Variants in PLCG2 observed in about 807,000 individuals in gnomAD.
PLCG2 encodes 1-phosphatidylinositol 4,5-bisphosphate phosphodiesterase gamma-2.
In PLCG2, 69 loss-of-function variants were observed where a neutral mutation model predicts 175.6. That is an observed-to-expected ratio of 0.39 (90% confidence interval 0.32 to 0.48). The LOEUF is 0.48. Ranked by LOEUF, PLCG2 falls within the 20% of genes least tolerant of loss-of-function variation. The pLI, the probability that PLCG2 is intolerant of heterozygous loss-of-function variation, is 0.91. For missense variants in PLCG2, 1,798 were observed against 1,650.9 expected (o/e 1.09, Z -1.54); for synonymous variants, 827 against 624.0 (o/e 1.33, Z -4.85).
At chr16:81,903,417 G>C (rs1209353119) in intron 14 of PLCG2, among the ~76,000 whole-genome samples, 2 of 152,250 alleles carry the variant, frequency 1.3e-5, no homozygotes, top group Non-Finnish European at 2.9e-5. Flanking sequence ...AAGAGCATCA[G>C]TGCACGGGGA....
intron 31 of PLCG2, among the ~76,000 whole-genome samples, chr16:81,955,281 G>A (rs762750314): frequency 3.3e-5 from 5 of 152,192 alleles, no homozygotes; most frequent in South Asian, 2.1e-4. Context: ...GTCTGAGTCC[G>A]TGTTTTTCTA....
chr16:81,860,857 G>C (rs552646904), intron 5 of PLCG2, among the ~76,000 whole-genome samples: 29 of 152,124 alleles, frequency 1.9e-4, no homozygotes, highest in African/African-American at 6.3e-4. Flanking sequence ...TGTAGTCCCA[G>C]CTACTCAGCC....
intron 2 of PLCG2, among the ~76,000 whole-genome samples, chr16:81,797,744 C>G (rs1911535679): frequency 1.3e-5 from 2 of 152,204 alleles, no homozygotes; most frequent in African/African-American, 2.4e-5. Context: ...TAACCATACA[C>G]CGTGGTTCCA....
At chr16:81,891,642 G>T (rs1370544902) in intron 11 of PLCG2, 52 bp downstream of exon 11, 1 of 1,043,742 alleles carries the variant, frequency 9.6e-7, no homozygotes, top group Non-Finnish European at 1.5e-6. Context: ...GCACGTGAGG[G>T]TTGAGGCAGG....
intron 13 of PLCG2, 82 bp from the exon 14 acceptor site, chr16:81,900,530 G>A (rs1909103615): frequency 1.5e-6 from 2 of 1,301,986 alleles, no homozygotes; most frequent in Non-Finnish European, 2.1e-6. Flanking sequence ...GTCGTCCCAG[G>A]GAGCTGCCCT....
intron 26 of PLCG2, among the ~76,000 whole-genome samples, chr16:81,935,180 G>T (rs1910656277): frequency 2.6e-5 from 4 of 152,298 alleles, no homozygotes; most frequent in Non-Finnish European, 4.4e-5. Context: ...CAGCAGGGCT[G>T]TGCTCCCTCC....
chr16:81,758,976 C>T (rs1231592806), intron 2 of PLCG2, among the ~76,000 whole-genome samples: 1 of 152,228 alleles, frequency 6.6e-6, no homozygotes, highest in Non-Finnish European at 1.5e-5. Flanking sequence ...CCGCACCCGG[C>T]TATCGTCCAT....
Position 81,940,808 on chromosome 16 carries a change from C to T in PLCG2, c.3481+749C>T, listed in dbSNP as rs148770457. ...AAAAAAAACTGGCTCTCCTTAGCTT[C>T]TATATAGTTTCTCTAGTTTACTTTC... On this transcript the variant is annotated intron_variant, in intron 30 of 32. Transcript: ENST00000564138. 3.0e-3 allele frequency among the ~76,000 whole-genome samples: 454 copies of T among 152,282 alleles called. 2 individuals are homozygous for T. The highest frequency in any genetic ancestry group is 9.9e-3 in the African/African-American group (413 of 41,556).
At chr16:81,896,914 C>G (rs1002468037) in intron 13 of PLCG2, among the ~76,000 whole-genome samples, 1 of 152,204 alleles carries the variant, frequency 6.6e-6, no homozygotes, top group South Asian at 2.1e-4. Context: ...TTTCTGACCT[C>G]AGGTGTAATC....
Position 81,912,609 on chromosome 16 carries a change from C to T in PLCG2, c.1947C>T (p.Asp649=), listed in dbSNP as rs768638435. ...NPHESKPWYY[D]SLSRGEAEDM... ...CCCTGTGCCGCAGGTGGTACTATGA[C>T]AGCCTGAGCCGCGGAGAGGCAGAGG... The change falls in exon 19 of 33, where the codon GAC becomes GAT. Residue 649 remains aspartate (D), a synonymous_variant. Coordinates refer to ENST00000564138, the MANE Select transcript of PLCG2 (RefSeq NM_002661.5). 1 of 1,613,078 alleles carries T rather than the reference C, an allele frequency of 6.2e-7. No homozygotes were observed. Among genetic ancestry groups the T allele is most frequent in the Non-Finnish European group, 8.5e-7 (1 of 1,179,810 alleles).
chr16:81,944,362 T>TA (rs1911068882), intron 30 of PLCG2, among the ~76,000 whole-genome samples: 1 of 152,244 alleles, frequency 6.6e-6, no homozygotes, highest in Admixed American at 6.5e-5. Flanking sequence ...TAATACAGTA[T>TA]AACGATTATT....
intron 3 of PLCG2, among the ~76,000 whole-genome samples, chr16:81,857,683 C>G (rs1297728962): frequency 6.6e-6 from 1 of 152,162 alleles, no homozygotes; most frequent in Non-Finnish European, 1.5e-5. Flanking sequence ...GGAGGCCCCA[C>G]TCTCATTACT....
intron 2 of PLCG2, among the ~76,000 whole-genome samples, chr16:81,766,417 G>C (rs1013976085): frequency 6.6e-6 from 1 of 151,998 alleles, no homozygotes; most frequent in Non-Finnish European, 1.5e-5. Context: ...TGTACTTGCT[G>C]AGCCCACTGC....
chr16:81,893,443 A>T (rs922946317), intron 11 of PLCG2, among the ~76,000 whole-genome samples: 1 of 152,176 alleles, frequency 6.6e-6, no homozygotes, highest in African/African-American at 2.4e-5. Context: ...TCCTCAAAAG[A>T]ACACGTCCTC....
chr16:81,883,208 CCT>C, intron 8 of PLCG2, 59 bp from the exon 9 acceptor site: 2 of 1,472,982 alleles, frequency 1.4e-6, no homozygotes, highest in Admixed American at 3.3e-5. Flanking sequence ...GCTGGCATCT[CCT>C]CTCGACTCCT....
chr16:81,740,896 C>T (rs1005071943), intron 1 of PLCG2, among the ~76,000 whole-genome samples: 1 of 152,184 alleles, frequency 6.6e-6, no homozygotes, highest in African/African-American at 2.4e-5. Flanking sequence ...TCTTGAGTCC[C>T]TGGATTCACC....
chr16:81,842,864 G>C (rs1209812755), intron 2 of PLCG2: 7 of 152,212 alleles, frequency 4.6e-5, no homozygotes, highest in African/African-American at 1.7e-4. Context: ...GGCTGTGCCA[G>C]AAGGTGATGG....
chr16:81,933,320 G>A (rs1910580964), intron 25 of PLCG2, among the ~76,000 whole-genome samples: 2 of 152,214 alleles, frequency 1.3e-5, no homozygotes, highest in Non-Finnish European at 2.9e-5. Context: ...GGGGAGCAAA[G>A]GAAGAAGGCC....
chr16:81,881,410 G>C (rs746130664), intron 8 of PLCG2, among the ~76,000 whole-genome samples: 2 of 152,220 alleles, frequency 1.3e-5, no homozygotes, highest in African/African-American at 2.4e-5. Flanking sequence ...TTACTAAAAA[G>C]TCAGAGTTGC....
Sources: allele counts gnomAD v4.1 joint callset (sites outside exome capture counted in the v4.1 genomes callset), GRCh38; gene constraint gnomAD v4.1.1; transcripts MANE v1.5; gene names NCBI Gene and HGNC (gene_info 2026-07-23, HGNC 2026-07-21).